DENND5B: variants seen among roughly 807,000 people sequenced by gnomAD.
DENND5B encodes DENN domain-containing protein 5B.
A neutral mutation model predicts 140.6 loss-of-function variants in DENND5B; 34 were observed. The observed-to-expected ratio is 0.24, with a 90% CI of 0.18 to 0.32. DENND5B has a LOEUF of 0.32. Ranked by LOEUF, DENND5B falls within the 10% of genes least tolerant of loss-of-function variation. The probability of loss-of-function intolerance (pLI) is 1.00; values close to 1 mark genes in which losing one functional copy is unlikely to be tolerated. For missense variants in DENND5B, 1,142 were observed against 1,560.2 expected, an observed-to-expected ratio of 0.73 and a Z score of 4.52; for synonymous variants, 551 against 562.1, an observed-to-expected ratio of 0.98 and a Z score of 0.28.
intron 1 of DENND5B, among the ~76,000 whole-genome samples, chr12:31,544,596 A>C (rs1216537196): frequency 6.6e-6 from 1 of 152,194 alleles, no homozygotes; most frequent in Non-Finnish European, 1.5e-5. Context: ...ATAACTATCA[A>C]ATCTATGAAT....
chr12:31,392,110 G>A (rs1941178839), intron 19 of DENND5B, among the ~76,000 whole-genome samples, 157 bp downstream of exon 19: 1 of 150,498 alleles, frequency 6.6e-6, no homozygotes, highest in Non-Finnish European at 1.5e-5. Context: ...CTGCACTCCA[G>A]CTTGGGCAAC....
intron 1 of DENND5B, among the ~76,000 whole-genome samples, chr12:31,562,822 A>G (rs956502116): frequency 1.3e-5 from 2 of 152,194 alleles, no homozygotes; most frequent in African/African-American, 4.8e-5. Flanking sequence ...CAAGACTTCT[A>G]ATTCTGTCCA....
At chr12:31,404,967 C>G (rs1018331399) in intron 14 of DENND5B, among the ~76,000 whole-genome samples, 11 of 151,850 alleles carry the variant, frequency 7.2e-5, no homozygotes, top group African/African-American at 2.2e-4. Flanking sequence ...ACCATGTTGA[C>G]CAGGATGGTC....
chr12:31,418,686 G>A (rs1359648342), intron 11 of DENND5B, among the ~76,000 whole-genome samples: 2 of 152,146 alleles, frequency 1.3e-5, no homozygotes, highest in Admixed American at 6.6e-5. Context: ...CACACAGGCG[G>A]TAAGAAATAG....
chr12:31,394,475 T>A (rs1273299752), intron 17 of DENND5B, among the ~76,000 whole-genome samples: 3 of 152,212 alleles, frequency 2.0e-5, no homozygotes, highest in African/African-American at 7.2e-5. Context: ...TACTTTTAAA[T>A]TTTAAATCAG....
At chr12:31,417,956 G>A (rs958077445) in intron 11 of DENND5B, among the ~76,000 whole-genome samples, 3 of 152,142 alleles carry the variant, frequency 2.0e-5, no homozygotes, top group East Asian at 1.9e-4. Context: ...TATATATGAA[G>A]TTGGCACTAA....
At position 31,572,015 on chromosome 12, in the gene DENND5B, G is replaced by A. The variant is rs117012358; in HGVS notation, c.127+18691C>T. ...CAGCGCAGGTGGATCATGTGAGGTC[G>A]GGAGCTCAAGACCAGCCTGACCAAC... On this transcript the variant is annotated intron_variant, in intron 1 of 20. Coordinates refer to ENST00000389082, the MANE Select transcript of DENND5B (RefSeq NM_144973.4). Among the ~76,000 whole-genome samples, 497 of 152,104 alleles carry A rather than the reference G, an allele frequency of 3.3e-3. 24 individuals carry two copies. In the East Asian group the frequency reaches 0.075, roughly 23 times the overall value.
intron 2 of DENND5B, among the ~76,000 whole-genome samples, chr12:31,482,880 C>T (rs1235995447): frequency 1.3e-5 from 2 of 152,182 alleles, no homozygotes; most frequent in Non-Finnish European, 2.9e-5. Flanking sequence ...TGCCAAAATT[C>T]TCCAATGGAC....
chr12:31,474,144 C>T (rs901741794), intron 3 of DENND5B, among the ~76,000 whole-genome samples: 4 of 152,102 alleles, frequency 2.6e-5, no homozygotes, highest in South Asian at 4.1e-4. Context: ...AGGAATGAAA[C>T]GAACAGAGGG....
chr12:31,468,025 G>C (rs1175272329), intron 3 of DENND5B, among the ~76,000 whole-genome samples: 1 of 151,554 alleles, frequency 6.6e-6, no homozygotes, highest in Non-Finnish European at 1.5e-5. Flanking sequence ...AGGCCGAGGT[G>C]AAAGAATTGC....
chr12:31,484,890 AT>A (rs901507809), intron 2 of DENND5B, among the ~76,000 whole-genome samples: 3 of 152,184 alleles, frequency 2.0e-5, no homozygotes, highest in African/African-American at 7.2e-5. Flanking sequence ...ACAACGAACC[AT>A]TTCTCAATCA....
intron 1 of DENND5B, among the ~76,000 whole-genome samples, chr12:31,548,181 C>G (rs1948924227): frequency 1.3e-5 from 2 of 151,978 alleles, no homozygotes; most frequent in African/African-American, 4.8e-5. Flanking sequence ...CACTTGAGCG[C>G]AGAAGTTCAA....
At chr12:31,418,321 G>T (rs377217107) in intron 11 of DENND5B, among the ~76,000 whole-genome samples, 1 of 128,138 alleles carries the variant, frequency 7.8e-6, no homozygotes, top group Non-Finnish European at 1.6e-5. Context: ...CACTCTTGTC[G>T]CCCAGGCTGG....
At chr12:31,509,702 A>G (rs1947336718) in intron 1 of DENND5B, among the ~76,000 whole-genome samples, 1 of 152,212 alleles carries the variant, frequency 6.6e-6, no homozygotes, top group African/African-American at 2.4e-5. Flanking sequence ...GGAGGGAGAT[A>G]ATAAGTATAA....
intron 1 of DENND5B, among the ~76,000 whole-genome samples, chr12:31,583,468 G>T (rs565014475): frequency 3.9e-5 from 6 of 151,938 alleles, no homozygotes; most frequent in African/African-American, 1.4e-4. Context: ...CCTGAGGTCA[G>T]GAGTTCAAGA....
chr12:31,468,372 G>T (rs1945376316), intron 3 of DENND5B, among the ~76,000 whole-genome samples: 1 of 152,072 alleles, frequency 6.6e-6, no homozygotes, highest in South Asian at 2.1e-4. Flanking sequence ...GTTTTGGTGG[G>T]CAGGTGGGGA....
chr12:31,567,972 G>C (rs1319654510), intron 1 of DENND5B, among the ~76,000 whole-genome samples: 2 of 152,094 alleles, frequency 1.3e-5, no homozygotes, highest in Admixed American at 1.3e-4. Flanking sequence ...TCCAAAGTAC[G>C]GGATTACAGA....
At chr12:31,440,872 A>G (rs1363403319) in intron 7 of DENND5B, among the ~76,000 whole-genome samples, 2 of 152,138 alleles carry the variant, frequency 1.3e-5, no homozygotes, top group Non-Finnish European at 2.9e-5. Context: ...AGTAGCTGGC[A>G]TGACAGGCAT....
At chr12:31,464,036 A>G (rs897068673) in intron 3 of DENND5B, among the ~76,000 whole-genome samples, 2 of 152,244 alleles carry the variant, frequency 1.3e-5, no homozygotes, top group African/African-American at 4.8e-5. Flanking sequence ...ATCAAGAAAT[A>G]AAAGGCAGAG....
Sources: gnomAD v4.1 joint callset for allele counts (sites outside exome capture counted in the v4.1 genomes callset) on GRCh38, gnomAD v4.1.1 for gene constraint, MANE v1.5 for transcripts, NCBI Gene and HGNC (gene_info 2026-07-23, HGNC 2026-07-21) for gene names.